PABPC5: variants seen among roughly 807,000 people sequenced by gnomAD.
PABPC5 encodes the protein poly(A) binding protein cytoplasmic 5, also known as polyadenylate-binding protein 5.
Under a neutral mutation model 12.6 loss-of-function variants are expected in PABPC5, and 6 were observed. The observed-to-expected ratio is 0.48, with a 90% confidence interval of 0.26 to 0.94. PABPC5 has a LOEUF of 0.94. Among genes scored for constraint, PABPC5 ranks in the 40% least tolerant of loss-of-function variants. The pLI, the probability that PABPC5 is intolerant of heterozygous loss-of-function variation, is 0.14. For missense variants in PABPC5, 244 were observed against 302.8 expected, an observed-to-expected ratio of 0.81 and a Z score of 1.44; for synonymous variants, 124 against 118.4, an observed-to-expected ratio of 1.05 and a Z score of -0.31.
Position 91,436,692 on chromosome X carries a change from A to T in PABPC5, c.1115A>T (p.His372Leu). 8.3e-7 allele frequency: 1 copy of T among 1,210,532 alleles called. No homozygotes were observed. Among genetic ancestry groups the T allele is most frequent in the Non-Finnish European group, 1.1e-6 (1 of 895,350 alleles). Residue 372 changes from histidine (H) to leucine (L), a missense_variant, in exon 2 of 2, where the codon CAT becomes CTT. Around this residue, in one of 3 missense-constraint regions of PABPC5, gnomAD observed 211 missense variants for 261.5 expected, o/e 0.81. Transcript: ENST00000312600. Reference sequence around the variant, plus strand: ...CGCATAGTGGGCTCCAAGCCCCTGCATGTCACCCTGGGCCAGGCCAGGCGC... The same window carrying T: ...CGCATAGTGGGCTCCAAGCCCCTGCTTGTCACCCTGGGCCAGGCCAGGCGC... ...NGRIVGSKPL[H>L]VTLGQARRRC
In PABPC5 at chrX:91,436,095, G is replaced by T; in HGVS notation, c.518G>T (p.Arg173Leu). Residue 173 changes from arginine (R) to leucine (L), a missense_variant, in exon 2 of 2, where the codon CGC becomes CTC. Physicochemically the swap from Arg to Leu is moderately radical, Grantham distance 102. Around this residue, in one of 3 missense-constraint regions of PABPC5, gnomAD observed 211 missense variants for 261.5 expected, o/e 0.81. Transcript: ENST00000312600. ...WHMNGVRLNN[R>L]QVYVGRFKFP... Reference sequence around the variant, plus strand: ...ATGAATGGAGTGCGGCTCAACAACCGCCAGGTGTATGTTGGCAGATTCAAA... The same window carrying T: ...ATGAATGGAGTGCGGCTCAACAACCTCCAGGTGTATGTTGGCAGATTCAAA... 8.3e-7 allele frequency: 1 copy of T among 1,211,694 alleles called. No homozygotes were observed. The highest frequency in any genetic ancestry group is 1.1e-6 in the Non-Finnish European group (1 of 895,564).
intron 1 of PABPC5, 176 bp downstream of exon 1, chrX:91,435,070 G>A (rs1931573074): frequency 8.8e-6 from 1 of 114,081 alleles, no homozygotes. Context: ...CTTAGCGAAA[G>A]GCTAGCCAGC....
chrX:91,436,687 C>T lies in PABPC5; in HGVS notation c.1110C>T (p.Pro370=), dbSNP rs375603046. 55 of 1,208,768 alleles carry T rather than the reference C, an allele frequency of 4.6e-5. No individual in the cohort carries two copies. Among genetic ancestry groups the T allele is most frequent in the Non-Finnish European group, 6.0e-5 (54 of 895,120 alleles). Residue 370 remains proline, a synonymous_variant, in exon 2 of 2, where the codon CCC becomes CCT. Coordinates refer to ENST00000312600, the MANE Select transcript of PABPC5 (RefSeq NM_080832.3). ...ATGGCCGCATAGTGGGCTCCAAGCC[C>T]CTGCATGTCACCCTGGGCCAGGCCA... is the stretch of plus-strand genomic sequence containing the variant. The part of the protein sequence containing the change: ...EMNGRIVGSK[P]LHVTLGQARR...
chrX:91,435,609 A>G lies in PABPC5; in HGVS notation c.32A>G (p.Lys11Arg). ...AGCGGGGAGCCTAATCCTGCTGGCA[A>G]GAAAAAGAAGTATCTCAAGGCCGCT... The part of the protein sequence containing the change: MGSGEPNPAG[K>R]KKKYLKAALY... Residue 11 changes from lysine (K) to arginine (R), a missense_variant, in exon 2 of 2, where the codon AAG becomes AGG. Around this residue, in one of 3 missense-constraint regions of PABPC5, gnomAD observed 29 missense variants for 20.5 expected, o/e 1.41. Coordinates refer to ENST00000312600, the MANE Select transcript of PABPC5 (RefSeq NM_080832.3). The G allele has an allele frequency of 5.0e-6, 6 of 1,209,167 alleles. No individual in the cohort carries two copies. Among genetic ancestry groups the G allele is most frequent in the Non-Finnish European group, 6.7e-6 (6 of 894,123 alleles).
In PABPC5 at chrX:91,437,049, A is replaced by G. The variant is rs1031718842; in HGVS notation, c.*323A>G. Reference sequence around the variant, plus strand: ...TCCCTTCTTATTTCAGTAATACTCTATTTTTTTTCATGAAAATGTCAACAT... The same window carrying G: ...TCCCTTCTTATTTCAGTAATACTCTGTTTTTTTTCATGAAAATGTCAACAT... On this transcript the variant is annotated 3_prime_UTR_variant, in exon 2 of 2. Transcript: ENST00000312600. The G allele has an allele frequency of 2.0e-5, 4 of 203,102 alleles. No individual in the cohort carries two copies. The highest frequency in any genetic ancestry group is 3.8e-5 in the Non-Finnish European group (4 of 106,333). The allele number at this position is 203,102 out of a possible 1,213,427, so 16.7% of individuals were successfully genotyped here.
rs1321262125 is a variant in PABPC5 at position 91,438,273 on chromosome X, TGTTTATCTACAAATTACAG to T, written c.*1555_*1573del. On this transcript the variant is annotated 3_prime_UTR_variant, in exon 2 of 2. Transcript: ENST00000312600. ...TGACAATAAGCTGTTTCTATGTATT[TGTTTATCTACAAATTACAG>T]GTTTATCCATTTGCAAATATTTTCA... The T allele has an allele frequency of 1.6e-5, 2 of 123,002 alleles. No individual in the cohort carries two copies. The highest frequency in any genetic ancestry group is 9.5e-5 in the Admixed American group (1 of 10,518). The allele number at this position is 123,002 out of a possible 1,213,427, so 10.1% of individuals were successfully genotyped here.
chrX:91,435,583 G>A lies in PABPC5; in HGVS notation c.6G>A (p.Gly2=). M[G]SGEPNPAGKK... ...TCCTCCCAGTGCTCAGAGAGATGGG[G>A]AGCGGGGAGCCTAATCCTGCTGGCA... Residue 2 remains glycine (G), a synonymous_variant, in exon 2 of 2, where the codon GGG becomes GGA. Coordinates refer to ENST00000312600, the MANE Select transcript of PABPC5 (RefSeq NM_080832.3). 8.3e-7 allele frequency: 1 copy of A among 1,202,618 alleles called. No individual in the cohort carries two copies.
rs1161080423 is a variant in PABPC5, at chrX:91,438,145, G to C, written c.*1419G>C. ...CATTAGAATATGTTTTATCTCTACTGTCAGTTTTATTACCTTATATACAAA... is the reference window on the plus strand; with the variant it reads ...CATTAGAATATGTTTTATCTCTACTCTCAGTTTTATTACCTTATATACAAA... On this transcript the variant is annotated 3_prime_UTR_variant, in exon 2 of 2. Transcript: ENST00000312600. The C allele has an allele frequency of 1.6e-5, 2 of 122,548 alleles. No homozygotes were observed. The highest frequency in any genetic ancestry group is 3.8e-5 in the Non-Finnish European group (2 of 52,881). The allele number at this position is 122,548 out of a possible 1,213,427, so 10.1% of individuals were successfully genotyped here.
At position 91,436,769 on chromosome X, in the gene PABPC5, C is replaced by A; in HGVS notation, c.*43C>A. 1 of 1,115,130 alleles carries A rather than the reference C, an allele frequency of 9.0e-7. No homozygotes were observed. The highest frequency in any genetic ancestry group is 1.2e-6 in the Non-Finnish European group (1 of 836,564). 91.9% of individuals were successfully genotyped at this position (1,115,130 alleles called of 1,213,427 possible). On this transcript the variant is annotated 3_prime_UTR_variant, in exon 2 of 2. Transcript: ENST00000312600. ...TTGTTTCAGCCTTAGTTGGTGCCTC[C>A]TTAGTTTGGGCTCCTTTGTGATAAG...
rs1931581706 is a variant in PABPC5 at position 91,435,482 on chromosome X, T to C, written c.-96T>C. 1 of 860,385 alleles carries C rather than the reference T, an allele frequency of 1.2e-6. No individual in the cohort carries two copies. The highest frequency in any genetic ancestry group is 1.6e-6 in the Non-Finnish European group (1 of 624,114). 70.9% of individuals were successfully genotyped at this position (860,385 alleles called of 1,213,427 possible). A position where few individuals can be genotyped will look rare whatever the true frequency, so the allele number is the denominator to read the frequency against. On this transcript the variant is annotated 5_prime_UTR_variant, in exon 2 of 2. Transcript: ENST00000312600. ...GCTTTTAGCTTCCTTTTGCCTGCCT[T>C]GGCTTTTTCTGTTCGTGAACAGCTG...
In PABPC5 at chrX:91,436,972, C is replaced by T; in HGVS notation, c.*246C>T. 1 of 337,293 alleles carries T rather than the reference C, an allele frequency of 3.0e-6. No homozygotes were observed. The highest frequency in any genetic ancestry group is 5.2e-6 in the Non-Finnish European group (1 of 190,954). The allele number at this position is 337,293 out of a possible 1,213,427, so 27.8% of individuals were successfully genotyped here. ...GAAATCTGTAGAATAAAGTGTATTC[C>T]TCCACTTTTTTTTCCTGAACAGTCA... On this transcript the variant is annotated 3_prime_UTR_variant, in exon 2 of 2. Coordinates refer to ENST00000312600, the MANE Select transcript of PABPC5 (RefSeq NM_080832.3).
Position 91,436,615 on chromosome X carries a change from C to T in PABPC5, c.1038C>T (p.Val346=), listed in dbSNP as rs1400539871. 1 of 1,211,626 alleles carries T rather than the reference C, an allele frequency of 8.3e-7. No individual in the cohort carries two copies. The change falls in exon 2 of 2, where the codon GTC becomes GTT. Residue 346 remains valine (V), a synonymous_variant. Transcript: ENST00000312600. The part of the protein sequence containing the change: ...EVGQGKGFGV[V]CFSSFEEATK... ...GGCAAGGCAAAGGATTTGGTGTGGT[C>T]TGCTTTTCCTCTTTTGAAGAGGCTA...
Position 91,436,711 on chromosome X carries a change from C to T in PABPC5, c.1134C>T (p.Ala378=), listed in dbSNP as rs755942054. The change falls in exon 2 of 2, where the codon GCC becomes GCT. Residue 378 remains alanine, a synonymous_variant. Coordinates refer to ENST00000312600, the MANE Select transcript of PABPC5 (RefSeq NM_080832.3). Reference sequence around the variant, plus strand: ...CCCTGCATGTCACCCTGGGCCAGGCCAGGCGCAGGTGCTGAGAATAAGAAT... The same window carrying T: ...CCCTGCATGTCACCCTGGGCCAGGCTAGGCGCAGGTGCTGAGAATAAGAAT... ...SKPLHVTLGQ[A]RRRC 185 of 1,206,135 alleles carry T rather than the reference C, an allele frequency of 1.5e-4. No homozygotes were observed. The highest frequency in any genetic ancestry group is 3.5e-4 in the Admixed American group (16 of 45,558).
rs1272915683 is a variant in PABPC5 at position 91,434,857 on chromosome X, T to G, written c.-181T>G. ...GCCAGTCAGTCTCTCCGGACCTGCC[T>G]CGAGCCTCAGGCTGCTGAAATCACC... On this transcript the variant is annotated 5_prime_UTR_variant, in exon 1 of 2. Transcript: ENST00000312600. 1 of 111,729 alleles carries G rather than the reference T, an allele frequency of 9.0e-6. No homozygotes were observed. Among genetic ancestry groups the G allele is most frequent in the African/African-American group, 3.3e-5 (1 of 30,453 alleles). 9.2% of individuals were successfully genotyped at this position (111,729 alleles called of 1,213,427 possible). A position where few individuals can be genotyped will look rare whatever the true frequency, so the allele number is the denominator to read the frequency against.
rs763059925 is a variant in PABPC5 at position 91,436,233 on chromosome X, T to C, written c.656T>C (p.Phe219Ser). 7.4e-6 allele frequency: 9 copies of C among 1,209,703 alleles called. No individual in the cohort carries two copies. Among genetic ancestry groups the C allele is most frequent in the Non-Finnish European group, 1.0e-5 (9 of 895,217 alleles). Residue 219 changes from phenylalanine to serine, a missense_variant, in exon 2 of 2, where the codon TTC becomes TCC. Phe to Ser is a radical substitution (Grantham distance 155). This residue lies in a region of PABPC5 where 211 missense variants were observed against 261.5 expected (regional missense o/e 0.81). Transcript: ENST00000312600. The part of the protein sequence containing the change: ...DIDDEKLKEL[F>S]CEYGPTESVK... ...GATGACGAAAAACTGAAGGAACTTT[T>C]CTGTGAATATGGGCCAACTGAGAGT...
chrX:91,435,469 C>T lies in PABPC5; in HGVS notation c.-109C>T, dbSNP rs1338465113. 1.3e-6 allele frequency: 1 copy of T among 758,951 alleles called. No homozygotes were observed. The highest frequency in any genetic ancestry group is 1.9e-6 in the Non-Finnish European group (1 of 537,096). The allele number at this position is 758,951 out of a possible 1,213,427, so 62.5% of individuals were successfully genotyped here. A position where few individuals can be genotyped will look rare whatever the true frequency, so the allele number is the denominator to read the frequency against. On this transcript the variant is annotated 5_prime_UTR_variant, in exon 2 of 2. Transcript: ENST00000312600. ...TGATTCTGAGTCTGCTTTTAGCTTCCTTTTGCCTGCCTTGGCTTTTTCTGT... is the reference window on the plus strand; with the variant it reads ...TGATTCTGAGTCTGCTTTTAGCTTCTTTTTGCCTGCCTTGGCTTTTTCTGT...
Position 91,436,665 on chromosome X carries a change from G to T in PABPC5, c.1088G>T (p.Gly363Val). The T allele has an allele frequency of 8.3e-7, 1 of 1,210,838 alleles. No homozygotes were observed. Among genetic ancestry groups the T allele is most frequent in the Non-Finnish European group, 1.1e-6 (1 of 895,454 alleles). The change falls in exon 2 of 2, where the codon GGC (glycine) becomes GTC (valine). Residue 363 changes from glycine to valine, a missense_variant. This residue lies in a region of PABPC5 where 211 missense variants were observed against 261.5 expected (regional missense o/e 0.81). Coordinates refer to ENST00000312600, the MANE Select transcript of PABPC5 (RefSeq NM_080832.3). ...ACCAAAGCAGTGGATGAGATGAATG[G>T]CCGCATAGTGGGCTCCAAGCCCCTG... Reference protein sequence around the residue: ...EATKAVDEMNGRIVGSKPLHV... With the variant: ...EATKAVDEMNVRIVGSKPLHV...
rs772185052 is a variant in PABPC5, at chrX:91,436,585, A to G, written c.1008A>G (p.Glu336=). ...GSISRAKVMM[E]VGQGKGFGVV... ...TTAGTCGGGCCAAAGTGATGATGGAAGTGGGGCAAGGCAAAGGATTTGGTG... is the reference window on the plus strand; with the variant it reads ...TTAGTCGGGCCAAAGTGATGATGGAGGTGGGGCAAGGCAAAGGATTTGGTG... Residue 336 remains glutamate (E), a synonymous_variant, in exon 2 of 2, where the codon GAA becomes GAG. Transcript: ENST00000312600. 1.7e-6 allele frequency: 2 copies of G among 1,212,040 alleles called. No homozygotes were observed. Among genetic ancestry groups the G allele is most frequent in the East Asian group, 5.9e-5 (2 of 33,832 alleles).
chrX:91,436,445 C>A lies in PABPC5; in HGVS notation c.868C>A (p.Arg290=). The change falls in exon 2 of 2, where the codon CGG becomes AGG. Residue 290 remains arginine (R), a synonymous_variant. Transcript: ENST00000312600. ...GGCTGAGTTGAGGCGGAGATTTGAA[C>A]GGCTGAGGTTAAAAGAAAAAAGTCG... ...RLAELRRRFE[R]LRLKEKSRPP... 1 of 1,211,299 alleles carries A rather than the reference C, an allele frequency of 8.3e-7. No homozygotes were observed. The highest frequency in any genetic ancestry group is 2.2e-5 in the Admixed American group (1 of 45,975).
Sources: gnomAD v4.1 joint callset for allele counts on GRCh38, gnomAD v4.1.1 for gene constraint, gnomAD v4.1.1 regional missense constraint, MANE v1.5 for transcripts, NCBI Gene and HGNC (gene_info 2026-07-23, HGNC 2026-07-21) for gene names.